Variants in FBXL17 observed in about 807,000 individuals in gnomAD.
The protein encoded by FBXL17 is F-box and leucine rich repeat protein 17.
Under a neutral mutation model 66.2 loss-of-function variants are expected in FBXL17, and 22 were observed. That is an observed-to-expected ratio of 0.33 (90% CI 0.24 to 0.47). FBXL17 has a LOEUF of 0.47. Among genes scored for constraint, FBXL17 ranks in the 20% least tolerant of loss-of-function variants. The probability of loss-of-function intolerance (pLI) is 1.00; values close to 1 mark genes in which losing one functional copy is unlikely to be tolerated. For missense variants in FBXL17, 878 were observed against 948.2 expected (o/e 0.93, Z 0.97); for synonymous variants, 474 against 400.5 (o/e 1.18, Z -2.19).
At chr5:108,143,779 A>G (rs1040597328) in intron 6 of FBXL17, among the ~76,000 whole-genome samples, 8 of 150,584 alleles carry the variant, frequency 5.3e-5, no homozygotes, top group African/African-American at 2.0e-4. Flanking sequence ...TTAGACTGAT[A>G]CTCATCCTGT....
At chr5:108,374,967 T>G (rs1319679696) in intron 1 of FBXL17, among the ~76,000 whole-genome samples, 1 of 151,882 alleles carries the variant, frequency 6.6e-6, no homozygotes, top group Non-Finnish European at 1.5e-5. Context: ...CAATACAAAC[T>G]AAGCAGAAAC....
intron 6 of FBXL17, among the ~76,000 whole-genome samples, chr5:108,105,215 G>A (rs1258154197): frequency 1.3e-5 from 2 of 152,202 alleles, no homozygotes; most frequent in Admixed American, 1.3e-4. Flanking sequence ...AATGAATGAA[G>A]AAAGAGAAGA....
intron 8 of FBXL17, chr5:107,878,381 T>C (rs751725230): frequency 7.7e-6 from 6 of 777,692 alleles, no homozygotes; most frequent in Non-Finnish European, 9.4e-6. Context: ...GCATTTTATA[T>C]ATAATAGACA....
intron 4 of FBXL17, among the ~76,000 whole-genome samples, chr5:108,242,458 G>A (rs1002356908): frequency 3.3e-5 from 5 of 151,912 alleles, no homozygotes; most frequent in Middle Eastern, 3.4e-3. Context: ...CTAATCTCAA[G>A]CAACCCTCCC....
intron 7 of FBXL17, among the ~76,000 whole-genome samples, chr5:107,888,667 T>TTGTTATGTATACTGGTAG (rs1431717720): frequency 1.3e-5 from 2 of 152,020 alleles, no homozygotes; most frequent in Non-Finnish European, 2.9e-5. Context: ...TCCATCCACG[T>TTGTTATGTATACTGGTAG]TGTTATGTAT....
intron 7 of FBXL17, among the ~76,000 whole-genome samples, chr5:108,004,940 T>G (rs941100734): frequency 6.6e-6 from 1 of 152,092 alleles, no homozygotes; most frequent in South Asian, 2.1e-4. Context: ...CCTAAGAAAT[T>G]AGATAATAGA....
At chr5:108,159,702 G>T (rs1752134060) in intron 6 of FBXL17, among the ~76,000 whole-genome samples, 1 of 152,096 alleles carries the variant, frequency 6.6e-6, no homozygotes, top group Admixed American at 6.5e-5. Flanking sequence ...ATAGCAACCT[G>T]AATAGACTAA....
intron 5 of FBXL17, among the ~76,000 whole-genome samples, chr5:108,192,607 C>A (rs562955584): frequency 6.6e-6 from 1 of 152,026 alleles, no homozygotes; most frequent in East Asian, 1.9e-4. Context: ...GCCTGACCAA[C>A]GTGGTGAAAC....
At chr5:108,033,937 A>G (rs1746740401) in intron 6 of FBXL17, among the ~76,000 whole-genome samples, 2 of 152,222 alleles carry the variant, frequency 1.3e-5, no homozygotes, top group Admixed American at 6.5e-5. Context: ...AAAGTAATTC[A>G]TATACTTCCT....
At chr5:108,270,783 T>A (rs1757236050) in intron 4 of FBXL17, among the ~76,000 whole-genome samples, 1 of 152,120 alleles carries the variant, frequency 6.6e-6, no homozygotes, top group Admixed American at 6.5e-5. Flanking sequence ...ATGTTAACAG[T>A]TTTAAATTAT....
intron 6 of FBXL17, among the ~76,000 whole-genome samples, chr5:108,051,717 C>T (rs1478734734): frequency 6.6e-6 from 1 of 152,080 alleles, no homozygotes; most frequent in Admixed American, 6.5e-5. Flanking sequence ...TGGCTCATGC[C>T]TGTAATCCCA....
chr5:107,943,073 C>G (rs1330269269), intron 7 of FBXL17, among the ~76,000 whole-genome samples: 2 of 152,138 alleles, frequency 1.3e-5, no homozygotes, highest in Non-Finnish European at 2.9e-5. Context: ...CTCTTGCTGG[C>G]TCTTCTTTGC....
chr5:108,161,572 AC>A (rs1752221754), intron 6 of FBXL17, among the ~76,000 whole-genome samples: 1 of 152,298 alleles, frequency 6.6e-6, no homozygotes, highest in Non-Finnish European at 1.5e-5. Flanking sequence ...CCCAAGATCT[AC>A]ACAGAGGTTA....
chr5:108,079,818 G>C (rs1346709329), intron 6 of FBXL17, among the ~76,000 whole-genome samples: 2 of 152,168 alleles, frequency 1.3e-5, no homozygotes, highest in East Asian at 3.9e-4. Flanking sequence ...TAACTACCCA[G>C]CAATTGCAAT....
intron 7 of FBXL17, among the ~76,000 whole-genome samples, chr5:107,951,606 G>T (rs1033370358): frequency 5.3e-5 from 8 of 152,166 alleles, no homozygotes; most frequent in Admixed American, 4.6e-4. Flanking sequence ...TGAGCAGATG[G>T]CCAAGAAATC....
chr5:108,127,473 C>T (rs1297137481), intron 6 of FBXL17, among the ~76,000 whole-genome samples: 1 of 152,102 alleles, frequency 6.6e-6, no homozygotes, highest in Non-Finnish European at 1.5e-5. Context: ...AATGCACAGT[C>T]AAATTGGCAT....
At chr5:107,993,131 G>T (rs530175016) in intron 7 of FBXL17, among the ~76,000 whole-genome samples, 5 of 152,178 alleles carry the variant, frequency 3.3e-5, no homozygotes, top group Admixed American at 1.3e-4. Context: ...TCCTGACCTC[G>T]TGATCCACCC....
intron 7 of FBXL17, among the ~76,000 whole-genome samples, chr5:107,944,635 A>G (rs1167327041): frequency 6.6e-6 from 1 of 152,192 alleles, no homozygotes; most frequent in Non-Finnish European, 1.5e-5. Context: ...AGCAATGACA[A>G]CCATCTTCAA....
intron 6 of FBXL17, among the ~76,000 whole-genome samples, chr5:108,134,565 C>T (rs868264850): frequency 6.6e-6 from 1 of 152,270 alleles, no homozygotes; most frequent in African/African-American, 2.4e-5. Flanking sequence ...ACAGAGTTCT[C>T]TTTCCAAAAT....
Sources: gnomAD v4.1 joint callset for allele counts (sites outside exome capture counted in the v4.1 genomes callset) on GRCh38, gnomAD v4.1.1 for gene constraint, MANE v1.5 for transcripts, NCBI Gene and HGNC (gene_info 2026-07-23, HGNC 2026-07-21) for gene names.